MECOM: variants seen among roughly 807,000 people sequenced by gnomAD.
MECOM encodes the protein histone-lysine N-methyltransferase MECOM.
In MECOM, 13 loss-of-function variants were observed where a neutral mutation model predicts 116.3. The ratio of observed to expected loss-of-function variants is 0.11; its 90% CI spans 0.07 to 0.18. The LOEUF (loss-of-function observed/expected upper bound fraction) is 0.18. Among genes scored for constraint, MECOM ranks in the 10% least tolerant of loss-of-function variants. MECOM has a pLI of 1.00. For synonymous variants in MECOM, 528 were observed against 535.2 expected, an observed-to-expected ratio of 0.99 and a Z score of 0.19; for missense variants, 1,299 against 1,509.0, an observed-to-expected ratio of 0.86 and a Z score of 2.31.
chr3:169,091,491 T>C (rs1399261089), intron 14 of MECOM, among the ~76,000 whole-genome samples: 2 of 152,134 alleles, frequency 1.3e-5, no homozygotes, highest in African/African-American at 2.4e-5. Context: ...CCAAATGGTG[T>C]GTTTTGTTCA....
chr3:169,177,012 T>C (rs563287993), intron 2 of MECOM, among the ~76,000 whole-genome samples: 118 of 152,320 alleles, frequency 7.7e-4, no homozygotes, highest in African/African-American at 2.6e-3. Flanking sequence ...TTTTACACTG[T>C]TGGTGGAAAT....
At chr3:169,542,756 G>A (rs1760244405) in intron 1 of MECOM, among the ~76,000 whole-genome samples, 1 of 151,946 alleles carries the variant, frequency 6.6e-6, no homozygotes, top group South Asian at 2.1e-4. Context: ...CAGACAACTA[G>A]CAGGAAAAAA....
At chr3:169,180,155 T>A (rs1745752344) in intron 2 of MECOM, among the ~76,000 whole-genome samples, 1 of 152,248 alleles carries the variant, frequency 6.6e-6, no homozygotes, top group Admixed American at 6.5e-5. Context: ...CTTTCCTATC[T>A]ATAATACCTT....
chr3:169,551,882 AAT>A (rs1056984782), intron 1 of MECOM, among the ~76,000 whole-genome samples: 1 of 152,220 alleles, frequency 6.6e-6, no homozygotes, highest in African/African-American at 2.4e-5. Context: ...CATAAAAAGG[AAT>A]AGAGTTCTGA....
intron 2 of MECOM, among the ~76,000 whole-genome samples, chr3:169,149,935 C>G (rs74757079): frequency 0.043 from 5,577 of 131,046 alleles, 132 homozygotes; most frequent in Non-Finnish European, 0.054. Flanking sequence ...TTCTCTCTCT[C>G]TGTGTGTGTG....
At chr3:169,537,129 T>G (rs1481146339) in intron 1 of MECOM, among the ~76,000 whole-genome samples, 3 of 152,176 alleles carry the variant, frequency 2.0e-5, no homozygotes, top group Admixed American at 2.0e-4. Flanking sequence ...TCTGGACACT[T>G]CAATACTAAA....
chr3:169,607,485 A>G (rs1448831783), intron 1 of MECOM, among the ~76,000 whole-genome samples: 1 of 152,256 alleles, frequency 6.6e-6, no homozygotes, highest in East Asian at 1.9e-4. Context: ...ACTACAAAAG[A>G]TACTTGAAAA....
chr3:169,302,020 G>A (rs1716806481), intron 2 of MECOM, among the ~76,000 whole-genome samples: 1 of 152,120 alleles, frequency 6.6e-6, no homozygotes, highest in Non-Finnish European at 1.5e-5. Flanking sequence ...GTGAATATAT[G>A]CCTCCTAAAT....
Position 169,102,207 on chromosome 3 carries a change from A to G in MECOM, c.2624T>C (p.Met875Thr), listed in dbSNP as rs1723803579. Reference sequence around the variant, plus strand: ...ACTGAAGCTCTCTAGCTTTTCTGCCATGTTTTCAATAGCTGACATCTGAAA... The same window carrying G: ...ACTGAAGCTCTCTAGCTTTTCTGCCGTGTTTTCAATAGCTGACATCTGAAA... Reference protein sequence around the residue: ...QRTWMSAIENMAEKLESFSAL... With the variant: ...QRTWMSAIENTAEKLESFSAL... The change falls in exon 11 of 17, where the codon ATG becomes ACG. Residue 875 changes from methionine (M) to threonine (T), a missense_variant. By Grantham distance (81) the Met-to-Thr change is moderately conservative. Transcript: ENST00000651503. 1.9e-6 allele frequency: 3 copies of G among 1,613,130 alleles called. No homozygotes were observed. Among genetic ancestry groups the G allele is most frequent in the Non-Finnish European group, 2.5e-6 (3 of 1,179,426 alleles).
intron 1 of MECOM, among the ~76,000 whole-genome samples, chr3:169,436,385 G>A (rs1275224864): frequency 6.6e-6 from 1 of 151,382 alleles, no homozygotes; most frequent in Non-Finnish European, 1.5e-5. Context: ...CAACTAGTTA[G>A]TATTACGGGC....
intron 2 of MECOM, among the ~76,000 whole-genome samples, chr3:169,150,988 C>T (rs879856167): frequency 2.6e-5 from 4 of 152,192 alleles, no homozygotes; most frequent in Non-Finnish European, 4.4e-5. Flanking sequence ...ACTGGCTCTG[C>T]CTTCATTGTG....
intron 1 of MECOM, among the ~76,000 whole-genome samples, chr3:169,571,639 C>T (rs969495332): frequency 9.2e-5 from 14 of 152,148 alleles, no homozygotes; most frequent in Non-Finnish European, 1.6e-4. Context: ...GGTACCAAAA[C>T]AGATATATAG....
chr3:169,123,613 T>G (rs1457622023), intron 5 of MECOM, among the ~76,000 whole-genome samples: 1 of 152,026 alleles, frequency 6.6e-6, no homozygotes, highest in African/African-American at 2.4e-5. Flanking sequence ...CTTTATTGAT[T>G]AAATACATAA....
At chr3:169,506,355 C>T (rs754445192) in intron 1 of MECOM, among the ~76,000 whole-genome samples, 8 of 152,174 alleles carry the variant, frequency 5.3e-5, no homozygotes, top group Non-Finnish European at 1.0e-4. Context: ...CCCGCTGGTG[C>T]CGTGGGGACT....
At chr3:169,499,343 C>A (rs1401858658) in intron 1 of MECOM, among the ~76,000 whole-genome samples, 1 of 90,452 alleles carries the variant, frequency 1.1e-5, no homozygotes. Context: ...GACAGATTAC[C>A]CACAAAAAAA....
intron 1 of MECOM, among the ~76,000 whole-genome samples, chr3:169,443,309 T>C (rs1430163960): frequency 6.6e-6 from 1 of 152,038 alleles, no homozygotes; most frequent in Non-Finnish European, 1.5e-5. Flanking sequence ...CACTCAGTCA[T>C]AAAATATTTA....
intron 1 of MECOM, among the ~76,000 whole-genome samples, chr3:169,533,805 T>C (rs1758982948): frequency 6.6e-6 from 1 of 152,114 alleles, no homozygotes; most frequent in African/African-American, 2.4e-5. Context: ...TACTGAAGGC[T>C]CCTCTCTCTC....
At chr3:169,305,829 G>A (rs1472075677) in intron 2 of MECOM, among the ~76,000 whole-genome samples, 1 of 151,714 alleles carries the variant, frequency 6.6e-6, no homozygotes. Flanking sequence ...CTTTAACAAA[G>A]TTGTGTAAAG....
At chr3:169,476,714 G>A (rs1165343581) in intron 1 of MECOM, among the ~76,000 whole-genome samples, 1 of 151,450 alleles carries the variant, frequency 6.6e-6, no homozygotes, top group Non-Finnish European at 1.5e-5. Flanking sequence ...ATATTTTTGT[G>A]AAATTAAAAT....
Sources: allele counts gnomAD v4.1 joint callset (sites outside exome capture counted in the v4.1 genomes callset), GRCh38; gene constraint gnomAD v4.1.1; transcripts MANE v1.5; gene names NCBI Gene and HGNC (gene_info 2026-07-23, HGNC 2026-07-21).